CCKAR: variants seen among roughly 807,000 people sequenced by gnomAD.
CCKAR encodes cholecystokinin receptor type A.
CCKAR carries 21 observed loss-of-function variants against 29.8 expected under a neutral mutation model. That is an observed-to-expected ratio of 0.70 (90% CI 0.50 to 1.01). CCKAR has a LOEUF of 1.01. Among genes scored for constraint, CCKAR ranks in the 50% least tolerant of loss-of-function variants. CCKAR has a pLI of 0.00. For synonymous variants in CCKAR, 238 were observed against 221.3 expected, an observed-to-expected ratio of 1.08 and a Z score of -0.67; for missense variants, 570 against 560.6, an observed-to-expected ratio of 1.02 and a Z score of -0.17.
In CCKAR at chr4:26,481,588, T is replaced by C; in HGVS notation, c.*50A>G. 1 of 1,595,182 alleles carries C rather than the reference T, an allele frequency of 6.3e-7. No homozygotes were observed. The highest frequency in any genetic ancestry group is 8.6e-7 in the Non-Finnish European group (1 of 1,163,500). On this transcript the variant is annotated 3_prime_UTR_variant, in exon 5 of 5. Coordinates refer to ENST00000295589, the MANE Select transcript of CCKAR (RefSeq NM_000730.3). ...CCTGATCTCTTCTTCCGTTCTTTCT[T>C]CTCTGCCTCCTCCCTGCCTTCCTTC...
intron 2 of CCKAR, among the ~76,000 whole-genome samples, 170 bp downstream of exon 2, chr4:26,489,063 T>C (rs929061580): frequency 6.6e-6 from 1 of 152,092 alleles, no homozygotes; most frequent in African/African-American, 2.4e-5. Context: ...CGTATAAGGA[T>C]GACTGTCAAG....
In CCKAR at chr4:26,481,462, G is replaced by A. The variant is rs200180530; in HGVS notation, c.*176C>T. 1 of 687,760 alleles carries A rather than the reference G, an allele frequency of 1.5e-6. No individual in the cohort carries two copies. The highest frequency in any genetic ancestry group is 2.5e-6 in the Non-Finnish European group (1 of 406,098). The allele number at this position is 687,760 out of a possible 1,614,324, so 42.6% of individuals were successfully genotyped here. A position where few individuals can be genotyped will look rare whatever the true frequency, so the allele number is the denominator to read the frequency against. Reference sequence around the variant, plus strand: ...CTAGAAACCAATCATGGCCCCACTGGAGCAGTGCTCTGGAATCCAGATGAA... The same window carrying A: ...CTAGAAACCAATCATGGCCCCACTGAAGCAGTGCTCTGGAATCCAGATGAA... On this transcript the variant is annotated 3_prime_UTR_variant, in exon 5 of 5. Transcript: ENST00000295589.
intron 3 of CCKAR, among the ~76,000 whole-genome samples, chr4:26,485,426 G>A (rs1327600418): frequency 6.6e-6 from 1 of 152,030 alleles, no homozygotes; most frequent in Non-Finnish European, 1.5e-5. Flanking sequence ...TCAGAGGATT[G>A]ATTGAATGAA....
At chr4:26,484,486 T>C (rs957469540) in intron 3 of CCKAR, among the ~76,000 whole-genome samples, 7 of 152,164 alleles carry the variant, frequency 4.6e-5, no homozygotes, top group African/African-American at 1.7e-4. Flanking sequence ...ATGAACATAC[T>C]CTCCTTGGTA....
In CCKAR at chr4:26,490,153, T is replaced by TA. The variant is rs773378192; in HGVS notation, c.112+2dup. On this transcript the variant is annotated splice_region_variant and intron_variant, in intron 1 of 4. Coordinates refer to ENST00000295589, the MANE Select transcript of CCKAR (RefSeq NM_000730.3). Reference sequence around the variant, plus strand: ...AATTAAAATAACAGCTTCCGACACTTACCTTTGGAAGGACGGGGCTGATCC... The same window carrying TA: ...AATTAAAATAACAGCTTCCGACACTTAACCTTTGGAAGGACGGGGCTGATCC... The TA allele has an allele frequency of 1.9e-6, 3 of 1,598,992 alleles. No homozygotes were observed. The highest frequency in any genetic ancestry group is 2.6e-6 in the Non-Finnish European group (3 of 1,166,668).
intron 3 of CCKAR, among the ~76,000 whole-genome samples, chr4:26,485,191 T>C (rs1378828386): frequency 3.3e-5 from 4 of 120,746 alleles, no homozygotes; most frequent in Admixed American, 7.9e-5. Flanking sequence ...CAAAATTCCG[T>C]CTCAAAAAAA....
At chr4:26,486,003 A>G in intron 2 of CCKAR, 105 bp from the exon 3 acceptor site, 5 of 924,178 alleles carry the variant, frequency 5.4e-6, no homozygotes, top group South Asian at 1.8e-5. Flanking sequence ...TATCAAAGGA[A>G]AACGCTTGGA....
Position 26,483,576 on chromosome 4 carries a change from A to G in CCKAR, c.627-293T>C, listed in dbSNP as rs565000552. Among the ~76,000 whole-genome samples the G allele has an allele frequency of 9.2e-4, 140 of 152,370 alleles. 1 individual carries two copies. The highest frequency in any genetic ancestry group is 1.7e-3 in the Non-Finnish European group (118 of 68,032). ...TGAAAAAGAATGTAAGCTTTAAAAAATAAGAGTATGTGAATAGCATTTCAA... is the reference window on the plus strand; with the variant it reads ...TGAAAAAGAATGTAAGCTTTAAAAAGTAAGAGTATGTGAATAGCATTTCAA... On this transcript the variant is annotated intron_variant, in intron 3 of 4. Transcript: ENST00000295589.
Position 26,489,441 on chromosome 4 carries a change from G to T in CCKAR, c.156C>A (p.Phe52Leu). 1 of 1,614,168 alleles carries T rather than the reference G, an allele frequency of 6.2e-7. No homozygotes were observed. The highest frequency in any genetic ancestry group is 1.1e-5 in the South Asian group (1 of 91,088). ...GCGTGTTTCCCAGCACGCTGAGCAGGAATATCAAGGAGTACAAGAGAATCT... is the reference window on the plus strand; with the variant it reads ...GCGTGTTTCCCAGCACGCTGAGCAGTAATATCAAGGAGTACAAGAGAATCT... ...AVQILLYSLI[F>L]LLSVLGNTLV... The change falls in exon 2 of 5, where the codon TTC becomes TTA. Residue 52 changes from phenylalanine (F) to leucine (L), a missense_variant. Coordinates refer to ENST00000295589, the MANE Select transcript of CCKAR (RefSeq NM_000730.3).
In CCKAR at chr4:26,490,453, A is replaced by G. The variant is rs1403102621; in HGVS notation, c.-186T>C. ...GACTTGAGTTCACCTCACTCACTCC[A>G]GCATTTGTACTCCTGTTGTGGAAAA... On this transcript the variant is annotated 5_prime_UTR_variant, in exon 1 of 5. Coordinates refer to ENST00000295589, the MANE Select transcript of CCKAR (RefSeq NM_000730.3). 1.8e-6 allele frequency: 1 copy of G among 548,464 alleles called. No homozygotes were observed. Among genetic ancestry groups the G allele is most frequent in the Non-Finnish European group, 3.3e-6 (1 of 301,442 alleles). The allele number at this position is 548,464 out of a possible 1,614,324, so 34.0% of individuals were successfully genotyped here.
intron 2 of CCKAR, among the ~76,000 whole-genome samples, chr4:26,487,940 A>G (rs972011474): frequency 3.5e-5 from 5 of 144,578 alleles, no homozygotes; most frequent in African/African-American, 1.3e-4. Context: ...TTTTCAGAGG[A>G]CTTGGACATG....
chr4:26,484,468 A>G (rs1333989290), intron 3 of CCKAR, among the ~76,000 whole-genome samples: 1 of 152,162 alleles, frequency 6.6e-6, no homozygotes, highest in African/African-American at 2.4e-5. Context: ...TTTTATAATG[A>G]CATTTTTATG....
chr4:26,485,642 C>T lies in CCKAR; in HGVS notation c.621G>A (p.Gln207=). 6.2e-7 allele frequency: 1 copy of T among 1,614,112 alleles called. No individual in the cohort carries two copies. The highest frequency in any genetic ancestry group is 8.5e-7 in the Non-Finnish European group (1 of 1,179,984). Residue 207 remains glutamine (Q), a synonymous_variant, in exon 3 of 5, where the codon CAG becomes CAA. Transcript: ENST00000295589. The stretch of plus-strand genomic sequence containing the variant: ...AATAAACAATGCAACCTTACCAGGA[C>T]TGCTGCATAACATCATTTGGCAGTA... The part of the protein sequence containing the change: ...RFLLPNDVMQ[Q]SWHTFLLLIL...
chr4:26,488,722 G>A (rs924911849), intron 2 of CCKAR, among the ~76,000 whole-genome samples: 1 of 152,118 alleles, frequency 6.6e-6, no homozygotes, highest in Non-Finnish European at 1.5e-5. Context: ...ATCCTGAGAA[G>A]AGAATCTGAA....
intron 2 of CCKAR, 115 bp from the exon 3 acceptor site, chr4:26,486,013 A>G: frequency 5.9e-6 from 5 of 841,282 alleles, no homozygotes; most frequent in Non-Finnish European, 7.2e-6. Flanking sequence ...AAACGCTTGG[A>G]AGGTAAAGAA....
rs1332889950 is a variant in CCKAR, at chr4:26,489,431, C to G, written c.166G>C (p.Val56Leu). 3.7e-6 allele frequency: 6 copies of G among 1,614,028 alleles called. No individual in the cohort carries two copies. In the South Asian group the frequency reaches 6.6e-5, roughly 18 times the overall value. The change falls in exon 2 of 5, where the codon GTG becomes CTG. Residue 56 changes from valine to leucine, a missense_variant. Physicochemically the swap from Val to Leu is conservative, Grantham distance 32 (BLOSUM62 1). Coordinates refer to ENST00000295589, the MANE Select transcript of CCKAR (RefSeq NM_000730.3). ...LLYSLIFLLS[V>L]LGNTLVITVL... ...GTGATGACCAGCGTGTTTCCCAGCA[C>G]GCTGAGCAGGAATATCAAGGAGTAC...
chr4:26,485,119 G>A (rs998892146), intron 3 of CCKAR, among the ~76,000 whole-genome samples: 5 of 151,204 alleles, frequency 3.3e-5, no homozygotes, highest in East Asian at 1.9e-4. Flanking sequence ...GCTTGAACCC[G>A]GGAGGTCGAG....
chr4:26,489,272 A>C lies in CCKAR; in HGVS notation c.325T>G (p.Phe109Val), dbSNP rs751636808. Residue 109 changes from phenylalanine (F) to valine (V), a missense_variant, in exon 2 of 5, where the codon TTC becomes GTC. Transcript: ENST00000295589. Reference protein sequence around the residue: ...LIPNLLKDFIFGSAVCKTTTY... With the variant: ...LIPNLLKDFIVGSAVCKTTTY... ...GTGGTCTTGCAAACGGCGCTCCCGAAGATGAAATCCTTGAGCAGATTGGGG... is the reference window on the plus strand; with the variant it reads ...GTGGTCTTGCAAACGGCGCTCCCGACGATGAAATCCTTGAGCAGATTGGGG... 1.9e-6 allele frequency: 3 copies of C among 1,614,140 alleles called. No homozygotes were observed. In the South Asian group the frequency reaches 3.3e-5, roughly 18 times the overall value.
chr4:26,484,978 G>C (rs561110628), intron 3 of CCKAR, among the ~76,000 whole-genome samples: 24 of 151,566 alleles, frequency 1.6e-4, no homozygotes, highest in Middle Eastern at 3.4e-3. Flanking sequence ...GATAACCTGA[G>C]GTCAGGAGTT....
Sources: gnomAD v4.1 joint callset for allele counts (sites outside exome capture counted in the v4.1 genomes callset) on GRCh38, gnomAD v4.1.1 for gene constraint, MANE v1.5 for transcripts, NCBI Gene and HGNC (gene_info 2026-07-23, HGNC 2026-07-21) for gene names.